Variants in ERI1 observed in about 807,000 individuals in gnomAD.
ERI1 encodes the protein exoribonuclease 1.
Under a neutral mutation model 39.7 loss-of-function variants are expected in ERI1, and 39 were observed. The observed-to-expected ratio is 0.98, with a 90% CI of 0.76 to 1.28. The LOEUF is 1.28. Among genes scored for constraint, ERI1 ranks in the 50% most tolerant of loss-of-function variants. ERI1 has a pLI of 0.00. For missense variants in ERI1, 581 were observed against 416.9 expected (o/e 1.39, Z -3.43); for synonymous variants, 204 against 149.6 (o/e 1.36, Z -2.65).
chr8:9,075,175 A>G (rs1034303554), intron 3 of ERI1, among the ~76,000 whole-genome samples: 2 of 152,230 alleles, frequency 1.3e-5, no homozygotes, highest in South Asian at 2.1e-4. Flanking sequence ...ACACCAAGCA[A>G]CACAGAAGAA....
chr8:9,057,676 C>T lies in ERI1; in HGVS notation n.299+37212C>T, dbSNP rs555354929. 5.3e-4 allele frequency among the ~76,000 whole-genome samples: 79 copies of T among 149,592 alleles called. 1 individual carries two copies. Among genetic ancestry groups the T allele is most frequent in the African/African-American group, 1.8e-3 (74 of 41,238 alleles). The stretch of plus-strand genomic sequence containing the variant: ...CTAGTGAGGAGAGGAAGAAAGTAAA[C>T]ATCCTTAAGTCTGTTGTCAAATAAA... On this transcript the variant is annotated intron_variant and non_coding_transcript_variant, in intron 3 of 3. Transcript: ENST00000518663.
chr8:9,023,105 A>G (rs547284590), intron 6 of ERI1, among the ~76,000 whole-genome samples: 1 of 152,248 alleles, frequency 6.6e-6, no homozygotes, highest in South Asian at 2.1e-4. Flanking sequence ...GTTGGTTAAT[A>G]TGTCTCTTAA....
intron 1 of ERI1, among the ~76,000 whole-genome samples, chr8:9,004,866 T>C (rs1376978401): frequency 6.6e-6 from 1 of 152,000 alleles, no homozygotes; most frequent in Non-Finnish European, 1.5e-5. Context: ...TTTTGTATTT[T>C]TAGTAGAGAT....
downstream of ERI1, chr8:9,033,489 C>T (rs1011741026): frequency 1.3e-5 from 2 of 152,174 alleles, no homozygotes; most frequent in African/African-American, 4.8e-5. Context: ...CTACCCTTAC[C>T]TCCCTTATGT....
chr8:9,015,123 C>T (rs1282021898), intron 3 of ERI1, among the ~76,000 whole-genome samples: 1 of 152,222 alleles, frequency 6.6e-6, no homozygotes, highest in East Asian at 1.9e-4. Context: ...AGGCATTAGT[C>T]ACCACATCTG....
intron 1 of ERI1, among the ~76,000 whole-genome samples, chr8:9,004,767 AC>A (rs1478828130): frequency 6.0e-3 from 2 of 334 alleles, no homozygotes; most frequent in African/African-American, 0.023. Context: ...GCTTACTGCA[AC>A]CTCCCGCCTC....
intron 3 of ERI1, among the ~76,000 whole-genome samples, chr8:9,074,175 A>G (rs1490398695): frequency 1.3e-5 from 2 of 151,820 alleles, no homozygotes; most frequent in Non-Finnish European, 1.5e-5. Context: ...TGGTGGTGCA[A>G]TCTCGGCTCA....
chr8:9,058,899 C>T (rs1224946966), intron 3 of ERI1, among the ~76,000 whole-genome samples: 1 of 152,108 alleles, frequency 6.6e-6, no homozygotes, highest in Non-Finnish European at 1.5e-5. Context: ...TTAACCGTCT[C>T]ATACAAACCA....
At chr8:9,006,220 G>T (rs1002657096) in intron 1 of ERI1, among the ~76,000 whole-genome samples, 1 of 152,166 alleles carries the variant, frequency 6.6e-6, no homozygotes, top group African/African-American at 2.4e-5. Context: ...TTGAAATTTG[G>T]GAGGAGACAC....
At chr8:9,092,063 C>G (rs1046071391) in intron 3 of ERI1, among the ~76,000 whole-genome samples, 1 of 152,094 alleles carries the variant, frequency 6.6e-6, no homozygotes, top group East Asian at 1.9e-4. Flanking sequence ...CTCAAGTGAT[C>G]CTCCTACCTC....
At chr8:9,022,039 A>G (rs1318883755) in intron 6 of ERI1, among the ~76,000 whole-genome samples, 1 of 152,046 alleles carries the variant, frequency 6.6e-6, no homozygotes, top group Non-Finnish European at 1.5e-5. Flanking sequence ...GTCATGGGAT[A>G]TGTACATCAT....
chr8:9,014,217 G>C (rs144870930), intron 3 of ERI1, among the ~76,000 whole-genome samples: 117 of 152,256 alleles, frequency 7.7e-4, no homozygotes, highest in African/African-American at 2.5e-3. Context: ...AAAAATGCCA[G>C]GCATGCTTTA....
chr8:9,081,863 T>C (rs2979245), intron 3 of ERI1, among the ~76,000 whole-genome samples: 112,873 of 151,996 alleles, frequency 0.74, 43,251 homozygotes, highest in African/African-American at 0.84. Flanking sequence ...TTATGAAAAA[T>C]AAGCAATTTA....
chr8:9,023,793 CTTTTTTTTTTT>C (rs3083379), intron 6 of ERI1, among the ~76,000 whole-genome samples: 3 of 80,548 alleles, frequency 3.7e-5, no homozygotes, highest in Non-Finnish European at 6.4e-5. Context: ...GTAAAAATGA[CTTTTTTTTTTT>C]TTTTTTTTTT....
At chr8:9,022,680 G>T (rs954113303) in intron 6 of ERI1, among the ~76,000 whole-genome samples, 2 of 152,152 alleles carry the variant, frequency 1.3e-5, no homozygotes, top group African/African-American at 4.8e-5. Context: ...GATTATAGGC[G>T]TGAGCCACTG....
intron 3 of ERI1, among the ~76,000 whole-genome samples, chr8:9,060,131 G>C (rs1255325113): frequency 1.3e-5 from 2 of 152,176 alleles, no homozygotes; most frequent in Non-Finnish European, 2.9e-5. Flanking sequence ...AGGATGGTAA[G>C]GGGTACGAAG....
At chr8:9,047,299 C>G (rs1245995020) in intron 3 of ERI1, among the ~76,000 whole-genome samples, 1 of 152,154 alleles carries the variant, frequency 6.6e-6, no homozygotes, top group African/African-American at 2.4e-5. Context: ...CTAGTGGTGG[C>G]TTACTCCACT....
chr8:9,013,372 T>C (rs1341236295), intron 3 of ERI1, among the ~76,000 whole-genome samples: 1 of 151,538 alleles, frequency 6.6e-6, no homozygotes, highest in Non-Finnish European at 1.5e-5. Context: ...GCTTGAATAC[T>C]CTTTCCTTGG....
chr8:9,038,644 C>T (rs1386706154), intron 3 of ERI1, among the ~76,000 whole-genome samples: 1 of 152,150 alleles, frequency 6.6e-6, no homozygotes, highest in African/African-American at 2.4e-5. Flanking sequence ...GTAGTCCCAT[C>T]TACTTGGGGG....
Sources: gnomAD v4.1 joint callset for allele counts (sites outside exome capture counted in the v4.1 genomes callset) on GRCh38, gnomAD v4.1.1 for gene constraint, MANE v1.5 for transcripts, NCBI Gene and HGNC (gene_info 2026-07-23, HGNC 2026-07-21) for gene names.